The following MTUS2 variants were observed in gnomAD, a reference collection of about 807,000 sequenced individuals.
MTUS2 encodes the protein microtubule-associated tumor suppressor candidate 2.
A neutral mutation model predicts 114.1 loss-of-function variants in MTUS2; 40 were observed. The observed-to-expected ratio is 0.35, with a 90% CI of 0.27 to 0.46. The LOEUF (loss-of-function observed/expected upper bound fraction) is 0.46, where lower values mean the gene tolerates loss of function less well. MTUS2 is among the 20% of genes least tolerant of loss of function. The probability of loss-of-function intolerance (pLI) is 1.00; values close to 1 mark genes in which losing one functional copy is unlikely to be tolerated. For synonymous variants in MTUS2, 688 were observed against 672.0 expected (o/e 1.02, Z -0.37); for missense variants, 1,679 against 1,705.4 (o/e 0.98, Z 0.27).
chr13:29,006,490 G>T (rs1353211613), intron 2 of MTUS2, among the ~76,000 whole-genome samples: 1 of 151,938 alleles, frequency 6.6e-6, no homozygotes, highest in Non-Finnish European at 1.5e-5. Flanking sequence ...CTATTTTTAG[G>T]TCCATTCGAA....
At chr13:29,011,438 G>C (rs539500711) in intron 2 of MTUS2, among the ~76,000 whole-genome samples, 2 of 152,252 alleles carry the variant, frequency 1.3e-5, no homozygotes, top group African/African-American at 4.8e-5. Context: ...CTTAAATTTT[G>C]TTGGGAATAT....
At chr13:29,318,009 T>G (rs760832360) in intron 6 of MTUS2, among the ~76,000 whole-genome samples, 4 of 152,220 alleles carry the variant, frequency 2.6e-5, no homozygotes, top group Non-Finnish European at 5.9e-5. Flanking sequence ...TTGCTCCGTC[T>G]GCGTCTGCAA....
At chr13:29,337,603 C>G (rs1360727361) in intron 7 of MTUS2, among the ~76,000 whole-genome samples, 1 of 79,122 alleles carries the variant, frequency 1.3e-5, no homozygotes, top group Non-Finnish European at 2.8e-5. Flanking sequence ...TTTTATTTTT[C>G]TATTTTTTTT....
intron 5 of MTUS2, among the ~76,000 whole-genome samples, chr13:29,269,890 T>A (rs560055728): frequency 6.6e-6 from 1 of 152,130 alleles, no homozygotes. Context: ...AGAAGAGAAA[T>A]CTGCCATTTT....
chr13:29,336,408 G>A (rs777209418), intron 7 of MTUS2, among the ~76,000 whole-genome samples: 9 of 152,284 alleles, frequency 5.9e-5, no homozygotes, highest in African/African-American at 9.6e-5. Flanking sequence ...CTCTGCTGCA[G>A]GTCCACTAGA....
intron 2 of MTUS2, among the ~76,000 whole-genome samples, chr13:28,993,771 A>G (rs1173775197): frequency 6.6e-6 from 1 of 151,610 alleles, no homozygotes; most frequent in Non-Finnish European, 1.5e-5. Flanking sequence ...TTGTGTGTCT[A>G]TTTTTGTACC....
At chr13:28,903,600 T>C (rs1879786578) in intron 2 of MTUS2, among the ~76,000 whole-genome samples, 1 of 152,078 alleles carries the variant, frequency 6.6e-6, no homozygotes, top group South Asian at 2.1e-4. Context: ...AACTCATCAT[T>C]TTTTATGGCT....
chr13:28,975,275 C>T (rs1884036493), intron 2 of MTUS2, among the ~76,000 whole-genome samples: 1 of 152,206 alleles, frequency 6.6e-6, no homozygotes, highest in Admixed American at 6.5e-5. Flanking sequence ...TTCTAAAAAT[C>T]ACTTCAGAGC....
At chr13:29,478,464 A>G (rs1880875283) in intron 9 of MTUS2, among the ~76,000 whole-genome samples, 1 of 152,198 alleles carries the variant, frequency 6.6e-6, no homozygotes, top group Non-Finnish European at 1.5e-5. Flanking sequence ...TCTCTGTGTG[A>G]TTTAAAAAAT....
intron 4 of MTUS2, among the ~76,000 whole-genome samples, chr13:29,070,123 T>C (rs1888847540): frequency 6.6e-6 from 1 of 152,198 alleles, no homozygotes; most frequent in African/African-American, 2.4e-5. Context: ...AAATATTTAC[T>C]GGACACCAGC....
chr13:29,456,436 T>A (rs1879115069), intron 9 of MTUS2, among the ~76,000 whole-genome samples: 1 of 151,966 alleles, frequency 6.6e-6, no homozygotes, highest in Non-Finnish European at 1.5e-5. Flanking sequence ...AGGGAAAAAA[T>A]ACTTGAAGAA....
intron 8 of MTUS2, among the ~76,000 whole-genome samples, chr13:29,424,120 G>A (rs1345674494): frequency 6.6e-6 from 1 of 151,428 alleles, no homozygotes; most frequent in African/African-American, 2.4e-5. Context: ...TGCCCACCTC[G>A]GCCTCCATAA....
chr13:29,435,632 G>C (rs969848978), intron 8 of MTUS2, among the ~76,000 whole-genome samples: 1 of 152,184 alleles, frequency 6.6e-6, no homozygotes, highest in Non-Finnish European at 1.5e-5. Flanking sequence ...ATTCCTTTAA[G>C]TTCACTCTTG....
intron 2 of MTUS2, among the ~76,000 whole-genome samples, chr13:28,899,448 C>T (rs531900026): frequency 4.4e-4 from 67 of 152,292 alleles, no homozygotes; most frequent in African/African-American, 7.2e-4. Flanking sequence ...CTCACTCTGT[C>T]GCCCAGGCTG....
chr13:29,179,079 G>A lies in MTUS2; in HGVS notation c.2644+78109G>A, dbSNP rs142456704. On this transcript the variant is annotated intron_variant, in intron 5 of 15. Coordinates refer to ENST00000612955, the MANE Select transcript of MTUS2 (RefSeq NM_001033602.4). ...TTTACCCAGACATTCAGAAATTTCT[G>A]TAGAGCACTTTATTTGTGTCCATTG... Among the ~76,000 whole-genome samples the A allele has an allele frequency of 1.4e-3, 212 of 152,268 alleles. 1 individual carries two copies. Among genetic ancestry groups the A allele is most frequent in the African/African-American group, 4.7e-3 (197 of 41,560 alleles).
rs144598492 is a variant in MTUS2, at chr13:28,825,056, A to G, written c.-316+4445A>G. 3.9e-4 allele frequency among the ~76,000 whole-genome samples: 59 copies of G among 152,220 alleles called. 1 individual carries two copies. The East Asian group carries it at 0.01, about 26-fold the overall frequency. ...GGCAGCTGCAGGCCGCAGTGGGGGA[A>G]TCTCATGCTCATGGCCAGCTTTTCC... is the stretch of plus-strand genomic sequence containing the variant. On this transcript the variant is annotated intron_variant, in intron 1 of 15. Coordinates refer to ENST00000612955, the MANE Select transcript of MTUS2 (RefSeq NM_001033602.4).
rs190819086 is a variant in MTUS2, at chr13:29,049,354, G to A, written c.2446+15229G>A. Among the ~76,000 whole-genome samples the A allele has an allele frequency of 7.8e-3, 1,193 of 152,316 alleles. 8 individuals carry two copies. Among genetic ancestry groups the A allele is most frequent in the Non-Finnish European group, 9.5e-3 (646 of 68,026 alleles). On this transcript the variant is annotated intron_variant, in intron 4 of 15. Transcript: ENST00000612955. ...CATGAGGCCCTTAGGATAGCGGGGG[G>A]CTGTAGAGCTTAGGGAGGCTGAAGT...
At chr13:28,924,639 G>A (rs535755759) in intron 2 of MTUS2, among the ~76,000 whole-genome samples, 1 of 152,206 alleles carries the variant, frequency 6.6e-6, no homozygotes, top group Non-Finnish European at 1.5e-5. Flanking sequence ...AGCTGGCACT[G>A]CCCTTTCCTC....
At chr13:29,279,317 C>A (rs903069359) in intron 5 of MTUS2, among the ~76,000 whole-genome samples, 2 of 152,106 alleles carry the variant, frequency 1.3e-5, no homozygotes, top group African/African-American at 4.8e-5. Context: ...GGTAAATTTC[C>A]TGGGTTGTTC....
Sources: allele counts gnomAD v4.1 joint callset (sites outside exome capture counted in the v4.1 genomes callset), GRCh38; gene constraint gnomAD v4.1.1; transcripts MANE v1.5; gene names NCBI Gene and HGNC (gene_info 2026-07-23, HGNC 2026-07-21).